The following CSMD1 variants were observed in gnomAD, a reference collection of about 807,000 sequenced individuals.
CSMD1 encodes CUB and sushi domain-containing protein 1.
CSMD1 carries 213 observed loss-of-function variants against 417.5 expected under a neutral mutation model. The ratio of observed to expected loss-of-function variants is 0.51; its 90% confidence interval spans 0.46 to 0.57. CSMD1 has a LOEUF of 0.57. Ranked by LOEUF, CSMD1 falls within the 20% of genes least tolerant of loss-of-function variation. The pLI is 0.00. For missense variants in CSMD1, 6,923 were observed against 4,529.7 expected, an observed-to-expected ratio of 1.53 and a Z score of -15.17; for synonymous variants, 2,862 against 1,736.8, an observed-to-expected ratio of 1.65 and a Z score of -16.11.
At chr8:3,530,323 G>C (rs1188889875) in intron 10 of CSMD1, among the ~76,000 whole-genome samples, 2 of 151,860 alleles carry the variant, frequency 1.3e-5, no homozygotes. Context: ...GCCCTGTTTT[G>C]GCTGCATCCT....
intron 2 of CSMD1, among the ~76,000 whole-genome samples, chr8:4,436,595 G>C (rs1010924290): frequency 6.6e-6 from 1 of 152,032 alleles, no homozygotes; most frequent in Non-Finnish European, 1.5e-5. Context: ...TATCCATCCT[G>C]CTGTGCAAGC....
chr8:3,652,335 C>A (rs566688228), intron 7 of CSMD1, among the ~76,000 whole-genome samples: 1 of 152,116 alleles, frequency 6.6e-6, no homozygotes, highest in Non-Finnish European at 1.5e-5. Flanking sequence ...TCACCACCAT[C>A]AGCGTGCTTA....
intron 3 of CSMD1, among the ~76,000 whole-genome samples, chr8:4,200,230 CA>C (rs1211055213): frequency 6.6e-6 from 1 of 152,084 alleles, no homozygotes; most frequent in Non-Finnish European, 1.5e-5. Context: ...GCCAGCATTT[CA>C]AAACAATTCC....
chr8:3,117,562 G>C (rs1378951396), intron 42 of CSMD1, among the ~76,000 whole-genome samples: 1 of 152,134 alleles, frequency 6.6e-6, no homozygotes, highest in Non-Finnish European at 1.5e-5. Flanking sequence ...TATAGTGTGA[G>C]AATATCGGGT....
intron 5 of CSMD1, among the ~76,000 whole-genome samples, chr8:3,824,263 A>C (rs539004786): frequency 1.3e-5 from 2 of 152,164 alleles, no homozygotes; most frequent in African/African-American, 2.4e-5. Context: ...AAAAAAAAAA[A>C]ACTGCTGACT....
chr8:4,950,094 T>C (rs1172449419), intron 1 of CSMD1, among the ~76,000 whole-genome samples: 1 of 140,562 alleles, frequency 7.1e-6, no homozygotes, highest in Non-Finnish European at 1.6e-5. Context: ...TAAATATTTA[T>C]AAAACATAGA....
intron 31 of CSMD1, among the ~76,000 whole-genome samples, chr8:3,202,375 A>T (rs1371682239): frequency 6.6e-6 from 1 of 152,234 alleles, no homozygotes; most frequent in African/African-American, 2.4e-5. Context: ...ATTCTCTGGC[A>T]TATAATAGGA....
chr8:4,154,487 C>G (rs1454718936), intron 3 of CSMD1, among the ~76,000 whole-genome samples: 1 of 152,072 alleles, frequency 6.6e-6, no homozygotes, highest in Non-Finnish European at 1.5e-5. Flanking sequence ...TGGTTTACCC[C>G]AAGTTCAAAA....
intron 5 of CSMD1, among the ~76,000 whole-genome samples, chr8:3,948,875 A>T (rs1811418467): frequency 6.6e-6 from 1 of 152,146 alleles, no homozygotes; most frequent in South Asian, 2.1e-4. Context: ...TTATTCAGAA[A>T]CTAACAAAAA....
At chr8:4,148,326 C>A (rs1332644013) in intron 3 of CSMD1, among the ~76,000 whole-genome samples, 1 of 133,106 alleles carries the variant, frequency 7.5e-6, no homozygotes, top group Non-Finnish European at 1.5e-5. Flanking sequence ...AATGAGAACA[C>A]ATAGACAGAG....
chr8:3,674,343 C>T (rs1308263703), intron 7 of CSMD1, among the ~76,000 whole-genome samples: 1 of 152,068 alleles, frequency 6.6e-6, no homozygotes, highest in African/African-American at 2.4e-5. Context: ...ATCCTATAAT[C>T]TGAAGATTAA....
intron 6 of CSMD1, among the ~76,000 whole-genome samples, chr8:3,727,199 A>C (rs531397365): frequency 1.3e-5 from 2 of 152,340 alleles, no homozygotes; most frequent in African/African-American, 4.8e-5. Flanking sequence ...TTTAATTTTA[A>C]ATTGTGTTTA....
intron 3 of CSMD1, among the ~76,000 whole-genome samples, chr8:4,320,553 C>G (rs1044724886): frequency 2.0e-5 from 3 of 152,098 alleles, no homozygotes; most frequent in African/African-American, 7.2e-5. Flanking sequence ...GTTCCCCTCC[C>G]TGTGTCCATG....
intron 1 of CSMD1, among the ~76,000 whole-genome samples, chr8:4,898,316 T>G (rs1804638597): frequency 6.6e-6 from 1 of 152,150 alleles, no homozygotes; most frequent in Admixed American, 6.5e-5. Flanking sequence ...ACCTGTCATC[T>G]TTGACAGGGT....
intron 26 of CSMD1, among the ~76,000 whole-genome samples, chr8:3,245,917 C>G (rs1451256630): frequency 6.6e-6 from 1 of 152,196 alleles, no homozygotes; most frequent in Non-Finnish European, 1.5e-5. Context: ...TCGCATTCTA[C>G]TTGAAAGCCT....
At chr8:4,008,584 TTTTC>T (rs1156386277) in intron 4 of CSMD1, among the ~76,000 whole-genome samples, 40 of 149,350 alleles carry the variant, frequency 2.7e-4, no homozygotes, top group African/African-American at 9.6e-4. Context: ...TGATTCAGTA[TTTTC>T]TTTCTTTTTT....
At chr8:4,277,333 G>T (rs555240596) in intron 3 of CSMD1, among the ~76,000 whole-genome samples, 2 of 152,144 alleles carry the variant, frequency 1.3e-5, no homozygotes, top group African/African-American at 4.8e-5. Context: ...ACTTCCCTTG[G>T]ATTTCTGACC....
chr8:3,228,723 G>C (rs191863479), intron 27 of CSMD1, among the ~76,000 whole-genome samples: 2 of 151,554 alleles, frequency 1.3e-5, no homozygotes, highest in East Asian at 1.9e-4. Context: ...GGATTAACTC[G>C]TAGTTATATT....
intron 1 of CSMD1, among the ~76,000 whole-genome samples, chr8:4,816,131 A>G (rs1799193178): frequency 6.6e-6 from 1 of 152,096 alleles, no homozygotes; most frequent in Non-Finnish European, 1.5e-5. Context: ...TCAGACTTCA[A>G]GTTTGTCTGA....
Sources: gnomAD v4.1 joint callset for allele counts (sites outside exome capture counted in the v4.1 genomes callset) on GRCh38, gnomAD v4.1.1 for gene constraint, MANE v1.5 for transcripts, NCBI Gene and HGNC (gene_info 2026-07-23, HGNC 2026-07-21) for gene names.